The following ATP1A2 variants were observed in gnomAD, a reference collection of about 807,000 sequenced individuals.
ATP1A2 encodes the protein sodium/potassium-transporting ATPase subunit alpha-2.
ATP1A2 carries 56 observed loss-of-function variants against 113.1 expected under a neutral mutation model. The observed-to-expected ratio is 0.49, with a 90% CI of 0.40 to 0.62. ATP1A2 has a LOEUF of 0.62. ATP1A2 is among the 20% of genes least tolerant of loss of function. ATP1A2 has a pLI of 0.00. For missense variants in ATP1A2, 712 were observed against 1,357.8 expected, an observed-to-expected ratio of 0.52 and a Z score of 7.47; for synonymous variants, 490 against 526.8, an observed-to-expected ratio of 0.93 and a Z score of 0.96.
At chr1:160,116,328 G>A (rs1415695490) in intron 1 of ATP1A2, among the ~76,000 whole-genome samples, 1 of 152,194 alleles carries the variant, frequency 6.6e-6, no homozygotes, top group Non-Finnish European at 1.5e-5. Context: ...AGGTTAGAGA[G>A]GGGCAGTAGA....
chr1:160,132,092 AATG>A (rs1279522217), intron 13 of ATP1A2, among the ~76,000 whole-genome samples: 1 of 152,112 alleles, frequency 6.6e-6, no homozygotes, highest in African/African-American at 2.4e-5. Flanking sequence ...TGACAAAAGG[AATG>A]ATATTTGAGC....
intron 7 of ATP1A2, 151 bp downstream of exon 7, chr1:160,125,404 C>G (rs1420524803): frequency 1.4e-6 from 1 of 714,032 alleles, no homozygotes; most frequent in Non-Finnish European, 2.5e-6. Flanking sequence ...TGGAAACACC[C>G]TCCACAGAGC....
rs796180952 is a variant in ATP1A2 at position 160,143,506 on chromosome 1, A to G, written c.*2184A>G. 20 of 152,766 alleles carry G rather than the reference A, an allele frequency of 1.3e-4. No individual in the cohort carries two copies. Among genetic ancestry groups the G allele is most frequent in the African/African-American group, 4.6e-4 (19 of 41,582 alleles). The allele number at this position is 152,766 out of a possible 1,614,324, so 9.5% of individuals were successfully genotyped here. On this transcript the variant is annotated 3_prime_UTR_variant, in exon 23 of 23. Coordinates refer to ENST00000361216, the MANE Select transcript of ATP1A2 (RefSeq NM_000702.4). ...TTAAAGAAACATCTACAGGATCTTT[A>G]TTGGTGACCTTTTGTAAGACATTAG...
chr1:160,124,421 T>C lies in ATP1A2; in HGVS notation c.621T>C (p.His207=), dbSNP rs1048175233. The C allele has an allele frequency of 6.2e-7, 1 of 1,608,552 alleles. No homozygotes were observed. The highest frequency in any genetic ancestry group is 8.5e-7 in the Non-Finnish European group (1 of 1,177,670). ...CTGACCTCCGGATCATCTCTTCTCA[T>C]GGCTGTAAGGTGAGGAGGTCATACC... ...VPADLRIISS[H]GCKVDNSSLT... is the part of the protein sequence containing the mutation. The change falls in exon 6 of 23, where the codon CAT becomes CAC. Residue 207 remains histidine, a synonymous_variant. Coordinates refer to ENST00000361216, the MANE Select transcript of ATP1A2 (RefSeq NM_000702.4).
rs768088341 is a variant in ATP1A2 at position 160,129,081 on chromosome 1, G to A, written c.1318G>A (p.Val440Met). The change falls in exon 10 of 23, where the codon GTG becomes ATG. Residue 440 changes from valine (V) to methionine (M), a missense_variant. Coordinates refer to ENST00000361216, the MANE Select transcript of ATP1A2 (RefSeq NM_000702.4). ...VFKAGQENIS[V>M]SKRDTAGDAS... ...CAAGGCAGGACAGGAGAACATCTCC[G>A]TGTCTAAGGTAGGGGGTCAGGACAC... 7 of 1,613,834 alleles carry A rather than the reference G, an allele frequency of 4.3e-6. 1 individual carries two copies. The highest frequency in any genetic ancestry group is 3.4e-4 in the Middle Eastern group (2 of 5,962).
chr1:160,123,483 TG>T, intron 4 of ATP1A2, 67 bp downstream of exon 4: 5 of 1,599,732 alleles, frequency 3.1e-6, no homozygotes, highest in Non-Finnish European at 2.6e-6. Context: ...CCCAACACAG[TG>T]GGGGGTGGGC....
chr1:160,137,423 C>A (rs190724576), intron 20 of ATP1A2, among the ~76,000 whole-genome samples: 5 of 152,268 alleles, frequency 3.3e-5, no homozygotes, highest in Non-Finnish European at 5.9e-5. Flanking sequence ...CCACGTGCTG[C>A]CGAGGGTCGG....
In ATP1A2 at chr1:160,124,436, G is replaced by A; in HGVS notation, c.630+6G>A. 6.2e-7 allele frequency: 1 copy of A among 1,603,452 alleles called. No homozygotes were observed. ...TCTCTTCTCATGGCTGTAAGGTGAG[G>A]AGGTCATACCAGAGCAAGCAGTTGA... On this transcript the variant is annotated splice_donor_region_variant and intron_variant, in intron 6 of 22. Coordinates refer to ENST00000361216, the MANE Select transcript of ATP1A2 (RefSeq NM_000702.4).
intron 20 of ATP1A2, 144 bp from the exon 21 acceptor site, chr1:160,139,496 G>T: frequency 1.4e-6 from 1 of 739,060 alleles, no homozygotes; most frequent in Non-Finnish European, 2.4e-6. Flanking sequence ...GTTACATAAA[G>T]CATGAGAAGA....
intron 3 of ATP1A2, 50 bp from the exon 4 acceptor site, chr1:160,123,163 G>C (rs780963435): frequency 6.2e-7 from 1 of 1,602,436 alleles, no homozygotes; most frequent in South Asian, 1.1e-5. Context: ...ATGGTGACTG[G>C]CTGGGTTGGC....
chr1:160,142,422 C>T lies in ATP1A2; in HGVS notation c.*1100C>T, dbSNP rs1404061606. ...ATCAGGGTGGAGAAGTTCCCTGAAC[C>T]TTCCTGTCTCCCAGGGACATGTATG... is the stretch of plus-strand genomic sequence containing the variant. On this transcript the variant is annotated 3_prime_UTR_variant, in exon 23 of 23. Transcript: ENST00000361216. The T allele has an allele frequency of 1.3e-5, 2 of 152,252 alleles. No individual in the cohort carries two copies. Among genetic ancestry groups the T allele is most frequent in the African/African-American group, 4.8e-5 (2 of 41,466 alleles). The allele number at this position is 152,252 out of a possible 1,614,324, so 9.4% of individuals were successfully genotyped here. A position where few individuals can be genotyped will look rare whatever the true frequency, so the allele number is the denominator to read the frequency against.
chr1:160,127,490 G>C (rs1651621707), intron 7 of ATP1A2, 62 bp from the exon 8 acceptor site: 3 of 1,609,572 alleles, frequency 1.9e-6, no homozygotes, highest in Admixed American at 1.7e-5. Context: ...TCAGGAAATA[G>C]GATGGGACTG....
intron 13 of ATP1A2, 40 bp downstream of exon 13, chr1:160,130,637 C>G: frequency 6.2e-7 from 1 of 1,613,532 alleles, no homozygotes; most frequent in Non-Finnish European, 8.5e-7. Flanking sequence ...TAGCCTCCCC[C>G]ATGCCAGAGT....
At position 160,134,619 on chromosome 1, in the gene ATP1A2, A is replaced by G; in HGVS notation, c.1963A>G (p.Arg655Gly). ...CATTCCCATGAGTCAAGTCAACCCC[A>G]GGTGAGGCCTCTGCAGGAAGCCCCT... ...LNIPMSQVNP[R>G]EAKACVVHGS... Residue 655 changes from arginine (R) to glycine (G), a missense_variant and splice_region_variant, in exon 14 of 23, where the codon AGA (arginine) becomes GGA (glycine). Physicochemically the swap from Arg to Gly is moderately radical, Grantham distance 125 (BLOSUM62 -2). Coordinates refer to ENST00000361216, the MANE Select transcript of ATP1A2 (RefSeq NM_000702.4). 4 of 1,614,214 alleles carry G rather than the reference A, an allele frequency of 2.5e-6. No homozygotes were observed. The highest frequency in any genetic ancestry group is 3.4e-6 in the Non-Finnish European group (4 of 1,180,018).
rs766749610 is a variant in ATP1A2, at chr1:160,122,823, TA to T, written c.178-381del. 3.7e-4 allele frequency among the ~76,000 whole-genome samples: 56 copies of T among 151,634 alleles called. 1 individual carries two copies. The highest frequency in any genetic ancestry group is 6.6e-4 in the Non-Finnish European group (45 of 67,842). On this transcript the variant is annotated intron_variant, in intron 3 of 22. Transcript: ENST00000361216. The stretch of plus-strand genomic sequence containing the variant: ...GGCAACATAGCAAGAATCCATCTCT[TA>T]AAAAAAAATCTAGGACTCTCCTAGA...
chr1:160,137,285 T>C (rs928897220), intron 20 of ATP1A2: 2 of 542,670 alleles, frequency 3.7e-6, no homozygotes, highest in African/African-American at 3.8e-5. Context: ...CTTTCCCCCA[T>C]CTCCTACTTG....
chr1:160,121,150 T>G (rs772770545), intron 2 of ATP1A2, 42 bp from the exon 3 acceptor site: 21 of 1,611,990 alleles, frequency 1.3e-5, no homozygotes, highest in Non-Finnish European at 1.8e-5. Context: ...ATATGCATCT[T>G]AGATACCTCC....
intron 1 of ATP1A2, 91 bp from the exon 2 acceptor site, chr1:160,120,815 C>T (rs985042654): frequency 1.3e-5 from 18 of 1,334,766 alleles, no homozygotes; most frequent in Admixed American, 2.0e-5. Context: ...GAACACACAC[C>T]CCCACTGCCT....
In ATP1A2 at chr1:160,127,823, G is replaced by A. The variant is rs554196702; in HGVS notation, c.1017+3G>A. The A allele has an allele frequency of 1.9e-6, 3 of 1,593,486 alleles. No homozygotes were observed. The highest frequency in any genetic ancestry group is 2.6e-6 in the Non-Finnish European group (3 of 1,168,632). ...AGGGGCTTCTGGCCACTGTCACTGT[G>A]AGTGGGTCAGGCTGAGGTGCCACCA... On this transcript the variant is annotated splice_donor_region_variant and intron_variant, in intron 8 of 22. Transcript: ENST00000361216.
Sources: allele counts gnomAD v4.1 joint callset (sites outside exome capture counted in the v4.1 genomes callset), GRCh38; gene constraint gnomAD v4.1.1; transcripts MANE v1.5; gene names NCBI Gene and HGNC (gene_info 2026-07-23, HGNC 2026-07-21).